Variants in MCF2L observed in about 807,000 individuals in gnomAD.
MCF2L encodes guanine nucleotide exchange factor DBS.
A neutral mutation model predicts 153.4 loss-of-function variants in MCF2L; 97 were observed. That is an observed-to-expected ratio of 0.63 (90% CI 0.54 to 0.75). MCF2L has a LOEUF of 0.75. Ranked by LOEUF, MCF2L falls within the 30% of genes least tolerant of loss-of-function variation. The pLI, the probability that MCF2L is intolerant of heterozygous loss-of-function variation, is 0.00. For synonymous variants in MCF2L, 659 were observed against 632.2 expected (o/e 1.04, Z -0.64); for missense variants, 1,347 against 1,495.2 (o/e 0.90, Z 1.64).
intron 3 of MCF2L, among the ~76,000 whole-genome samples, chr13:113,038,951 G>A (rs1038021076): frequency 7.9e-5 from 12 of 152,128 alleles, no homozygotes; most frequent in South Asian, 6.2e-4. Flanking sequence ...GCCGCCTCCC[G>A]GGTTCACGCC....
At position 112,904,424 on chromosome 13, in the gene MCF2L, G is replaced by C. The variant is rs1380781047; in HGVS notation, c.169+2053G>C. On this transcript the variant is annotated intron_variant, in intron 2 of 29. Coordinates refer to the MCF2L transcript ENST00000375608. The surrounding 1 kb of genome is among the most constrained non-coding windows in gnomAD (Gnocchi z 4.2). The stretch of plus-strand genomic sequence containing the variant: ...TTGGGTGGGTTGAGAAGCCTCTGCA[G>C]TGTGGGCAGCAGTAGTAGCATCCAG... 1.3e-5 allele frequency among the ~76,000 whole-genome samples: 2 copies of C among 152,196 alleles called. No homozygotes were observed. The highest frequency in any genetic ancestry group is 2.9e-5 in the Non-Finnish European group (2 of 68,032).
At chr13:112,968,586 C>G, upstream of MCF2L, 1 of 1,538,434 alleles carries the variant, frequency 6.5e-7, no homozygotes, top group Non-Finnish European at 8.7e-7. Flanking sequence ...CACGGACCCA[C>G]GCATGGACCC....
At chr13:113,095,750 A>G in intron 27 of MCF2L, 1 of 996,882 alleles carries the variant, frequency 1.0e-6, no homozygotes, top group Non-Finnish European at 1.2e-6. Context: ...ACGCAGCACC[A>G]GGAGGCTGTG....
chr13:113,001,745 C>G, intron 1 of MCF2L: 1 of 1,363,642 alleles, frequency 7.3e-7, no homozygotes, highest in Non-Finnish European at 9.4e-7. Flanking sequence ...CTGGGAGGAG[C>G]AGCCGGCTGG....
At chr13:112,999,164 TG>T (rs1207865671) in intron 1 of MCF2L, among the ~76,000 whole-genome samples, 2 of 152,174 alleles carry the variant, frequency 1.3e-5, no homozygotes, top group African/African-American at 4.8e-5. Context: ...CTCCCCGGCT[TG>T]GGGCCAGACC....
chr13:112,895,418 A>C (rs1049035600), intron 1 of MCF2L, among the ~76,000 whole-genome samples: 1 of 152,130 alleles, frequency 6.6e-6, no homozygotes, highest in Non-Finnish European at 1.5e-5. Context: ...TGCAGTCCCC[A>C]GGGCTGCAGG....
chr13:112,966,911 G>T (rs1378791807), upstream of MCF2L, among the ~76,000 whole-genome samples: 1 of 152,206 alleles, frequency 6.6e-6, no homozygotes, highest in Non-Finnish European at 1.5e-5. The surrounding 1 kb of genome is among the most constrained non-coding windows in gnomAD (Gnocchi z 4.1). Flanking sequence ...GATCAGCAAG[G>T]AGCCATCAGA....
At chr13:113,014,138 G>A (rs1361284457) in intron 1 of MCF2L, among the ~76,000 whole-genome samples, 1 of 152,266 alleles carries the variant, frequency 6.6e-6, no homozygotes, top group African/African-American at 2.4e-5. Context: ...CCTGGTGGCT[G>A]CAGGTGCTGC....
chr13:112,900,710 G>C (rs1405308803), intron 1 of MCF2L, among the ~76,000 whole-genome samples: 1 of 152,108 alleles, frequency 6.6e-6, no homozygotes, highest in Admixed American at 6.5e-5. Context: ...AGAGTGTTTG[G>C]GACCTGGACT....
chr13:112,907,381 C>T lies in MCF2L; in HGVS notation c.169+5010C>T, dbSNP rs1232590782. Among the ~76,000 whole-genome samples, 2 of 152,170 alleles carry T rather than the reference C, an allele frequency of 1.3e-5. No homozygotes were observed. The highest frequency in any genetic ancestry group is 4.8e-5 in the African/African-American group (2 of 41,440). ...TTTTGGCTATCCACAGTGTTTCTGG[C>T]ATGGGTCATAGTCGTGGCTTGGTGG... is the stretch of plus-strand genomic sequence containing the variant. On this transcript the variant is annotated intron_variant, in intron 2 of 29. Transcript: ENST00000375608. The surrounding 1 kb of genome is among the most constrained non-coding windows in gnomAD (Gnocchi z 5.1).
Position 113,099,178 on chromosome 13 carries a change from T to C in MCF2L, c.*2319T>C, listed in dbSNP as rs960543751. On this transcript the variant is annotated 3_prime_UTR_variant, in exon 30 of 30. Coordinates refer to ENST00000535094, the MANE Select transcript of MCF2L (RefSeq NM_001112732.3). ...TAGAGTAAAGGGGGCTGCGTGGCAATCAGGAACTCATAAGCCACTGACTAT... is the reference window on the plus strand; with the variant it reads ...TAGAGTAAAGGGGGCTGCGTGGCAACCAGGAACTCATAAGCCACTGACTAT... 2 of 152,174 alleles carry C rather than the reference T, an allele frequency of 1.3e-5. No individual in the cohort carries two copies. The highest frequency in any genetic ancestry group is 2.9e-5 in the Non-Finnish European group (2 of 68,022). The allele number at this position is 152,174 out of a possible 1,614,324, so 9.4% of individuals were successfully genotyped here.
At chr13:113,084,788 G>C (rs2034474297) in intron 18 of MCF2L, 104 bp from the exon 19 acceptor site, 1 of 848,954 alleles carries the variant, frequency 1.2e-6, no homozygotes, top group Non-Finnish European at 2.0e-6. Context: ...GACGCTGCGT[G>C]ATGCGGTGCC....
At chr13:112,968,662 G>C, upstream of MCF2L, 1 of 1,507,272 alleles carries the variant, frequency 6.6e-7, no homozygotes, top group Non-Finnish European at 8.8e-7. Context: ...GAAGGGGCGC[G>C]CTGGGCTGCT....
At chr13:113,076,946 T>G in intron 12 of MCF2L, 106 bp from the exon 13 acceptor site, 1 of 1,247,792 alleles carries the variant, frequency 8.0e-7, no homozygotes, top group Non-Finnish European at 1.1e-6. Flanking sequence ...ATGGAGAACA[T>G]TTAAAGCGGG....
chr13:113,084,654 G>A (rs1220010697), intron 18 of MCF2L: 2 of 572,242 alleles, frequency 3.5e-6, no homozygotes, highest in Non-Finnish European at 3.1e-6. Context: ...TGTGCTCTGG[G>A]AAGTCAGGGG....
intron 5 of MCF2L, among the ~76,000 whole-genome samples, chr13:113,063,477 C>T (rs1389470712): frequency 6.7e-6 from 1 of 149,516 alleles, no homozygotes; most frequent in African/African-American, 2.5e-5. Flanking sequence ...CCACAGCGTT[C>T]AGGCGTCCCT....
chr13:113,049,784 C>T (rs1192824055), intron 4 of MCF2L, among the ~76,000 whole-genome samples: 1 of 152,232 alleles, frequency 6.6e-6, no homozygotes, highest in Admixed American at 6.5e-5. Flanking sequence ...CATAATGTGC[C>T]GGGATCCGGG....
chr13:112,905,940 C>T (rs2140506959), intron 2 of MCF2L, among the ~76,000 whole-genome samples: 1 of 152,312 alleles, frequency 6.6e-6, no homozygotes, highest in Non-Finnish European at 1.5e-5. Flanking sequence ...TATTTTGAAA[C>T]CATGATAGAA....
chr13:113,056,837 GTGTT>G (rs1221103453), intron 4 of MCF2L, among the ~76,000 whole-genome samples: 1 of 144,024 alleles, frequency 6.9e-6, no homozygotes. Context: ...TAGGTGCTGT[GTGTT>G]TGGGTGCTGA....
Sources: allele counts gnomAD v4.1 joint callset (sites outside exome capture counted in the v4.1 genomes callset), GRCh38; gene constraint gnomAD v4.1.1; non-coding constraint Gnocchi (gnomAD v3.1); transcripts MANE v1.5; gene names NCBI Gene and HGNC (gene_info 2026-07-23, HGNC 2026-07-21).